Variants in DYNC2H1 observed in about 807,000 individuals in gnomAD.
DYNC2H1 encodes the protein dynein cytoplasmic 2 heavy chain 1.
Under a neutral mutation model 570.0 loss-of-function variants are expected in DYNC2H1, and 410 were observed. That is an observed-to-expected ratio of 0.72 (90% CI 0.66 to 0.78). The LOEUF (loss-of-function observed/expected upper bound fraction) is 0.78. Ranked by LOEUF, DYNC2H1 falls within the 30% of genes least tolerant of loss-of-function variation. The pLI, the probability that DYNC2H1 is intolerant of heterozygous loss-of-function variation, is 0.00. For synonymous variants in DYNC2H1, 1,688 were observed against 1,677.6 expected (o/e 1.01, Z -0.15); for missense variants, 4,865 against 5,046.4 (o/e 0.96, Z 1.09).
chr11:103,138,697 G>A (rs1174577063), intron 17 of DYNC2H1, among the ~76,000 whole-genome samples: 2 of 152,134 alleles, frequency 1.3e-5, no homozygotes, highest in Non-Finnish European at 2.9e-5. Flanking sequence ...GTCTCTGCCC[G>A]GCTTTGGTGT....
rs571260835 is a variant in DYNC2H1, at chr11:103,264,447, A to C, written c.10695+4470A>C. Among the ~76,000 whole-genome samples the C allele has an allele frequency of 1.3e-5, 2 of 152,338 alleles. No individual in the cohort carries two copies. Among genetic ancestry groups the C allele is most frequent in the Non-Finnish European group, 2.9e-5 (2 of 68,028 alleles). ...ATATCGCTGATGAACATTGATTAGA[A>C]AATCCTCAATAAAATATTGGCAAAC... On this transcript the variant is annotated intron_variant, in intron 70 of 88. Coordinates refer to ENST00000375735, the MANE Select transcript of DYNC2H1 (RefSeq NM_001377.3). This position sits in a 1 kb window ranked among gnomAD's most constrained non-coding sequence, Gnocchi z 4.8.
chr11:103,126,924 C>CAG (rs1859033440), intron 12 of DYNC2H1, among the ~76,000 whole-genome samples: 3 of 152,310 alleles, frequency 2.0e-5, no homozygotes, highest in South Asian at 4.1e-4. Flanking sequence ...AGGCGTGAGC[C>CAG]ACCGCAGCCG....
At chr11:103,266,457 C>G (rs1410221031) in intron 70 of DYNC2H1, among the ~76,000 whole-genome samples, 4 of 151,958 alleles carry the variant, frequency 2.6e-5, no homozygotes, top group African/African-American at 9.7e-5. Flanking sequence ...CTTCTCTGCA[C>G]TTAGTTCCAT....
chr11:103,199,264 G>T lies in DYNC2H1; in HGVS notation c.7876G>T (p.Asp2626Tyr). Residue 2626 changes from aspartate (D) to tyrosine (Y), a missense_variant, in exon 49 of 89, where the codon GAC becomes TAC. Physicochemically the swap from Asp to Tyr is radical, Grantham distance 160. Around this residue, in one of 5 missense-constraint regions of DYNC2H1, gnomAD observed 2,401 missense variants for 2,454.6 expected, o/e 0.98. Transcript: ENST00000375735. The surrounding 1 kb of genome is among the most constrained non-coding windows in gnomAD (Gnocchi z 4.6). ...TTATGGACGAGATAACCAGAATTTAGACATTTTACTTTTCCACGAAGTCTT... is the reference window on the plus strand; with the variant it reads ...TTATGGACGAGATAACCAGAATTTATACATTTTACTTTTCCACGAAGTCTT... ...IHYGRDNQNL[D>Y]ILLFHEVLEY... 6.2e-7 allele frequency: 1 copy of T among 1,605,660 alleles called. No individual in the cohort carries two copies.
chr11:103,217,992 G>A (rs553551335), intron 55 of DYNC2H1, among the ~76,000 whole-genome samples: 1 of 152,142 alleles, frequency 6.6e-6, no homozygotes, highest in South Asian at 2.1e-4. Context: ...TCAAGTAAGT[G>A]TGAGCTAAAG....
At chr11:103,358,440 A>G (rs934730796) in intron 83 of DYNC2H1, 81 bp downstream of exon 83, 3 of 978,560 alleles carry the variant, frequency 3.1e-6, no homozygotes, top group Non-Finnish European at 3.1e-6. Context: ...TGCCTGAGTC[A>G]TACAAGTAAT....
In DYNC2H1 at chr11:103,177,050, A is replaced by G. The variant is rs1387196795; in HGVS notation, c.5875-506A>G. On this transcript the variant is annotated intron_variant, in intron 37 of 88. Coordinates refer to ENST00000375735, the MANE Select transcript of DYNC2H1 (RefSeq NM_001377.3). The surrounding 1 kb of genome is among the most constrained non-coding windows in gnomAD (Gnocchi z 4.4). ...CACCATTTCATTTCTATTGCCTGTTATAGTACCTAATGTGTAATGGATTCA... is the reference window on the plus strand; with the variant it reads ...CACCATTTCATTTCTATTGCCTGTTGTAGTACCTAATGTGTAATGGATTCA... Among the ~76,000 whole-genome samples the G allele has an allele frequency of 2.0e-5, 3 of 152,084 alleles. No homozygotes were observed. The highest frequency in any genetic ancestry group is 2.9e-5 in the Non-Finnish European group (2 of 68,016).
intron 82 of DYNC2H1, among the ~76,000 whole-genome samples, chr11:103,338,431 G>A (rs751196472): frequency 5.9e-5 from 9 of 152,080 alleles, no homozygotes; most frequent in Non-Finnish European, 1.3e-4. Flanking sequence ...TATTTTGGTA[G>A]GGATTGCACT....
rs762142511 is a variant in DYNC2H1 at position 103,205,111 on chromosome 11, G to C, written c.8454+147G>C. The stretch of plus-strand genomic sequence containing the variant: ...ATGTTTGGAAATGTCTGTTTTCTTC[G>C]TACTCTTGCATCATAATTTAGTTGA... On this transcript the variant is annotated intron_variant, in intron 52 of 88. Coordinates refer to ENST00000375735, the MANE Select transcript of DYNC2H1 (RefSeq NM_001377.3). The surrounding 1 kb of genome is among the most constrained non-coding windows in gnomAD (Gnocchi z 4.5). 8.0e-6 allele frequency: 6 copies of C among 752,376 alleles called. No individual in the cohort carries two copies. Among genetic ancestry groups the C allele is most frequent in the East Asian group, 2.9e-5 (1 of 34,084 alleles). The allele number at this position is 752,376 out of a possible 1,614,324, so 46.6% of individuals were successfully genotyped here. A position where few individuals can be genotyped will look rare whatever the true frequency, so the allele number is the denominator to read the frequency against.
Position 103,115,225 on chromosome 11 carries a change from A to G in DYNC2H1, c.551A>G (p.His184Arg). 1 of 1,610,968 alleles carries G rather than the reference A, an allele frequency of 6.2e-7. No individual in the cohort carries two copies. The highest frequency in any genetic ancestry group is 8.5e-7 in the Non-Finnish European group (1 of 1,178,560). ...TTCCAGTTTTGGATAGAACAAGCTCACCGTGGAAATAAACAGATTAGTAAA... is the reference window on the plus strand; with the variant it reads ...TTCCAGTTTTGGATAGAACAAGCTCGCCGTGGAAATAAACAGATTAGTAAA... Reference protein sequence around the residue: ...DEFQFWIEQAHRGNKQISKER... With the variant: ...DEFQFWIEQARRGNKQISKER... Residue 184 changes from histidine to arginine, a missense_variant, in exon 4 of 89, where the codon CAC (histidine) becomes CGC (arginine). Around this residue, in one of 5 missense-constraint regions of DYNC2H1, gnomAD observed 1,936 missense variants for 1,962.1 expected, o/e 0.99. Coordinates refer to ENST00000375735, the MANE Select transcript of DYNC2H1 (RefSeq NM_001377.3).
In DYNC2H1 at chr11:103,417,523, C is replaced by A. The variant is rs966982081; in HGVS notation, c.12366+17651C>A. Among the ~76,000 whole-genome samples, 9 of 152,296 alleles carry A rather than the reference C, an allele frequency of 5.9e-5. No individual in the cohort carries two copies. The East Asian group carries it at 1.2e-3, about 20-fold the overall frequency. ...CAAGATATTAGTAAATTGAATCCAA[C>A]AAAATGTAAAATGGATAATGCATCA... On this transcript the variant is annotated intron_variant, in intron 84 of 88. Transcript: ENST00000375735.
At chr11:103,450,504 G>A (rs1358723792) in intron 85 of DYNC2H1, among the ~76,000 whole-genome samples, 2 of 151,948 alleles carry the variant, frequency 1.3e-5, no homozygotes, top group African/African-American at 4.8e-5. Flanking sequence ...TCACCACAAT[G>A]GAATTAAGTT....
intron 31 of DYNC2H1, 27 bp from the exon 32 acceptor site, chr11:103,168,728 A>G (rs1861438452): frequency 1.2e-6 from 2 of 1,603,046 alleles, no homozygotes; most frequent in South Asian, 1.1e-5. Context: ...ATTTTCTCCA[A>G]TTGTCAATAT....
chr11:103,427,434 T>C (rs558832382), intron 84 of DYNC2H1, among the ~76,000 whole-genome samples: 2 of 152,292 alleles, frequency 1.3e-5, no homozygotes, highest in South Asian at 4.1e-4. Flanking sequence ...AGCTTCACTA[T>C]AAGTATTCCT....
intron 84 of DYNC2H1, among the ~76,000 whole-genome samples, chr11:103,412,848 G>C (rs143939644): frequency 6.6e-6 from 1 of 152,288 alleles, no homozygotes; most frequent in South Asian, 2.1e-4. Context: ...GATGTATGAA[G>C]TTAATATCTT....
chr11:103,180,267 G>A (rs1861794664), intron 39 of DYNC2H1, among the ~76,000 whole-genome samples: 1 of 151,376 alleles, frequency 6.6e-6, no homozygotes. Flanking sequence ...TTATATATAT[G>A]GTATTAAATT....
chr11:103,365,857 T>G (rs912805806), intron 83 of DYNC2H1, among the ~76,000 whole-genome samples: 2 of 152,264 alleles, frequency 1.3e-5, no homozygotes, highest in African/African-American at 4.8e-5. Flanking sequence ...TGGACTAATC[T>G]GTAGCTTTTG....
intron 13 of DYNC2H1, among the ~76,000 whole-genome samples, chr11:103,132,941 G>T (rs1402019328): frequency 6.6e-6 from 1 of 152,054 alleles, no homozygotes; most frequent in Non-Finnish European, 1.5e-5. Context: ...TGGGGTGGGA[G>T]CTCAGCTCCT....
At chr11:103,336,442 C>A (rs754641000) in intron 82 of DYNC2H1, among the ~76,000 whole-genome samples, 3 of 151,900 alleles carry the variant, frequency 2.0e-5, no homozygotes, top group Non-Finnish European at 4.4e-5. Flanking sequence ...TTTATCCTAC[C>A]CTCCCTCCCA....
Sources: allele counts gnomAD v4.1 joint callset (sites outside exome capture counted in the v4.1 genomes callset), GRCh38; gene constraint gnomAD v4.1.1; regional missense constraint gnomAD v4.1.1; non-coding constraint Gnocchi (gnomAD v3.1); transcripts MANE v1.5; gene names NCBI Gene and HGNC (gene_info 2026-07-23, HGNC 2026-07-21).